Variants in WFS1 observed in about 807,000 individuals in gnomAD.
WFS1 encodes the protein wolframin.
A neutral mutation model predicts 68.5 loss-of-function variants in WFS1; 90 were observed. The ratio of observed to expected loss-of-function variants is 1.31; its 90% CI spans 1.11 to 1.56. The LOEUF is 1.56. Among genes scored for constraint, WFS1 ranks in the 40% most tolerant of loss-of-function variants. The probability of loss-of-function intolerance (pLI) is 0.00; values close to 1 mark genes in which losing one functional copy is unlikely to be tolerated. For missense variants in WFS1, 1,767 were observed against 1,232.6 expected, an observed-to-expected ratio of 1.43 and a Z score of -6.49; for synonymous variants, 860 against 540.7, an observed-to-expected ratio of 1.59 and a Z score of -8.19.
chr4:6,299,038 C>A (rs1381811246), intron 7 of WFS1, among the ~76,000 whole-genome samples: 1 of 152,240 alleles, frequency 6.6e-6, no homozygotes, highest in Non-Finnish European at 1.5e-5. Flanking sequence ...TTGGTCCAGG[C>A]CCCTGGCACT....
At chr4:6,291,681 G>A (rs748798729) in intron 5 of WFS1, among the ~76,000 whole-genome samples, 11 of 152,326 alleles carry the variant, frequency 7.2e-5, no homozygotes, top group Admixed American at 2.6e-4. Flanking sequence ...CCAATGGGAC[G>A]GACTGTGTCC....
intron 6 of WFS1, chr4:6,294,831 G>T (rs1349112557): frequency 2.9e-6 from 2 of 685,216 alleles, no homozygotes; most frequent in Non-Finnish European, 4.9e-6. Flanking sequence ...CAGGAGTGGA[G>T]GCTGGCACTT....
intron 7 of WFS1, among the ~76,000 whole-genome samples, chr4:6,298,986 A>T (rs982134448): frequency 2.0e-5 from 3 of 152,002 alleles, no homozygotes; most frequent in Admixed American, 2.0e-4. Flanking sequence ...AGGCTTCCCT[A>T]CCCCCATGTG....
At chr4:6,300,229 C>T (rs1049623362) in intron 7 of WFS1, among the ~76,000 whole-genome samples, 2 of 152,144 alleles carry the variant, frequency 1.3e-5, no homozygotes, top group Admixed American at 1.3e-4. Context: ...GAGGTGACAT[C>T]CTTGCTGTAG....
At position 6,302,251 on chromosome 4, in the gene WFS1, A is replaced by G. The variant is rs1321291819; in HGVS notation, c.2456A>G (p.Gln819Arg). The change falls in exon 8 of 8, where the codon CAG (glutamine) becomes CGG (arginine). Residue 819 changes from glutamine (Q) to arginine (R), a missense_variant. Coordinates refer to ENST00000226760, the MANE Select transcript of WFS1 (RefSeq NM_006005.3). Reference protein sequence around the residue: ...EFKSVLLSLRQGSLIEFSTIL... With the variant: ...EFKSVLLSLRRGSLIEFSTIL... ...AAGAGCGTGCTGCTCAGCCTGCGCCAGGGCAGCCTCATCGAGTTCAGCACC... is the reference window on the plus strand; with the variant it reads ...AAGAGCGTGCTGCTCAGCCTGCGCCGGGGCAGCCTCATCGAGTTCAGCACC... The G allele has an allele frequency of 2.5e-6, 4 of 1,604,914 alleles. No homozygotes were observed. Among genetic ancestry groups the G allele is most frequent in the Middle Eastern group, 1.7e-4 (1 of 6,040 alleles).
chr4:6,274,747 T>C (rs1443260826), intron 1 of WFS1, among the ~76,000 whole-genome samples: 1 of 151,290 alleles, frequency 6.6e-6, no homozygotes, highest in Admixed American at 6.6e-5. Context: ...GAAACAGAAG[T>C]GTGGAGGTCA....
chr4:6,302,062 G>A lies in WFS1; in HGVS notation c.2267G>A (p.Arg756His), dbSNP rs982418213. The change falls in exon 8 of 8, where the codon CGC becomes CAC. Residue 756 changes from arginine (R) to histidine (H), a missense_variant. Arg to His is a conservative substitution (Grantham distance 29, BLOSUM62 0). Transcript: ENST00000226760. ...NTSTAEEELCRLKLLAKHPCH... is the reference protein window; with the variant it reads ...NTSTAEEELCHLKLLAKHPCH... ...TCCACGGCCGAGGAGGAGCTCTGTC[G>A]CCTTAAGCTGCTGGCCAAGCACCCC... The A allele has an allele frequency of 7.4e-6, 12 of 1,612,700 alleles. No homozygotes were observed. The highest frequency in any genetic ancestry group is 3.3e-5 in the Admixed American group (2 of 60,006).
Position 6,300,701 on chromosome 4 carries a change from C to T in WFS1, c.906C>T (p.Tyr302=), listed in dbSNP as rs778510793. 1.8e-5 allele frequency: 29 copies of T among 1,613,946 alleles called. No homozygotes were observed. In the South Asian group the frequency reaches 2.6e-4, roughly 15 times the overall value. The part of the protein sequence containing the change: ...PLHAIMEIKE[Y]LIDMASRAGM... ...ACGCCATCATGGAGATCAAGGAGTA[C>T]CTGATTGACATGGCCTCCAGGGCAG... The change falls in exon 8 of 8, where the codon TAC becomes TAT. Residue 302 remains tyrosine (Y), a synonymous_variant. Transcript: ENST00000226760.
At chr4:6,286,950 C>A (rs1730327348) in intron 2 of WFS1, 143 bp from the exon 3 acceptor site, 1 of 776,868 alleles carries the variant, frequency 1.3e-6, no homozygotes, top group Non-Finnish European at 2.2e-6. Flanking sequence ...CTGTCTGTGT[C>A]TGTGTCTCTC....
chr4:6,288,954 G>C (rs199928503), intron 3 of WFS1, 33 bp from the exon 4 acceptor site: 36 of 1,602,084 alleles, frequency 2.2e-5, no homozygotes, highest in Non-Finnish European at 2.7e-5. Context: ...GAGGGTCGGA[G>C]AATCTGGAGG....
chr4:6,277,652 A>G lies in WFS1; in HGVS notation c.197A>G (p.Gln66Arg). The G allele has an allele frequency of 4.5e-6, 7 of 1,566,310 alleles. No homozygotes were observed. Among genetic ancestry groups the G allele is most frequent in the Non-Finnish European group, 6.1e-6 (7 of 1,155,986 alleles). ...GCGGCCCCCGCTGAACCCCAGGCCC[A>G]GCATACCAGGAGCCGGGAAAGAGCA... ...DAAAPAEPQAQHTRSRERADG... is the reference protein window; with the variant it reads ...DAAAPAEPQARHTRSRERADG... Residue 66 changes from glutamine to arginine, a missense_variant, in exon 2 of 8, where the codon CAG (glutamine) becomes CGG (arginine). Physicochemically the swap from Gln to Arg is conservative, Grantham distance 43. Transcript: ENST00000226760.
intron 2 of WFS1, among the ~76,000 whole-genome samples, chr4:6,284,981 T>A (rs1730269811): frequency 6.6e-6 from 1 of 150,712 alleles, no homozygotes; most frequent in African/African-American, 2.4e-5. Flanking sequence ...GCTGGCAGGG[T>A]GACGGCAGCA....
At chr4:6,299,855 A>ATGCGGGTAGGT (rs1488622101) in intron 7 of WFS1, among the ~76,000 whole-genome samples, 8 of 83,680 alleles carry the variant, frequency 9.6e-5, no homozygotes, top group African/African-American at 3.9e-4. Flanking sequence ...GGTTGTGTGA[A>ATGCGGGTAGGT]TGCGTGTGTG....
intron 2 of WFS1, among the ~76,000 whole-genome samples, chr4:6,281,993 A>G (rs771901341): frequency 9.2e-5 from 14 of 152,154 alleles, no homozygotes; most frequent in Non-Finnish European, 1.3e-4. Flanking sequence ...ACAGTCACCT[A>G]CACAGCCCCA....
At position 6,302,343 on chromosome 4, in the gene WFS1, T is replaced by C. The variant is rs966123985; in HGVS notation, c.2548T>C (p.Cys850Arg). ...GCTCAAGGCCATCAGCTGCCTCAAC[T>C]GCATGGCCCAGCTCTCACCCACCAG... is the stretch of plus-strand genomic sequence containing the variant. ...FELKAISCLN[C>R]MAQLSPTRRH... Residue 850 changes from cysteine to arginine, a missense_variant, in exon 8 of 8, where the codon TGC becomes CGC. Coordinates refer to ENST00000226760, the MANE Select transcript of WFS1 (RefSeq NM_006005.3). 6.2e-7 allele frequency: 1 copy of C among 1,612,696 alleles called. No homozygotes were observed. The highest frequency in any genetic ancestry group is 1.7e-5 in the Admixed American group (1 of 60,000).
intron 1 of WFS1, among the ~76,000 whole-genome samples, chr4:6,274,772 A>G (rs1350513546): frequency 2.0e-5 from 3 of 152,122 alleles, no homozygotes; most frequent in African/African-American, 7.2e-5. Context: ...TTGTATGCTG[A>G]TGTTGAAGGG....
rs1730484014 is a variant in WFS1, at chr4:6,292,140, C to A, written c.712+143C>A. The A allele has an allele frequency of 3.6e-5, 30 of 834,648 alleles. No homozygotes were observed. The South Asian group carries it at 4.5e-4, about 12-fold the overall frequency. 51.7% of individuals were successfully genotyped at this position (834,648 alleles called of 1,614,324 possible). The stretch of plus-strand genomic sequence containing the variant: ...TGCGCCTGCAGGGCGACCTCTCCTT[C>A]CTGTGCGACCCCATCCTGGCCCTGC... On this transcript the variant is annotated intron_variant, in intron 6 of 7. Transcript: ENST00000226760.
At chr4:6,281,746 T>C (rs3755856) in intron 2 of WFS1, among the ~76,000 whole-genome samples, 10,981 of 152,002 alleles carry the variant, frequency 0.072, 470 homozygotes, top group African/African-American at 0.099. Flanking sequence ...CAGGAGGTGC[T>C]ACTCAGGGCA....
intron 7 of WFS1, among the ~76,000 whole-genome samples, chr4:6,299,880 ATGTGTGTGTGTAGGGGTGGGTTGTGTG>A (rs1730804392): frequency 3.5e-5 from 2 of 56,688 alleles, no homozygotes; most frequent in Non-Finnish European, 3.0e-5. Flanking sequence ...GGTGGGCTGC[ATGTGTGTGTGTAGGGGTGGGTTGTGTG>A]TGTGTGTATG....
Sources: allele counts gnomAD v4.1 joint callset (sites outside exome capture counted in the v4.1 genomes callset), GRCh38; gene constraint gnomAD v4.1.1; transcripts MANE v1.5; gene names NCBI Gene and HGNC (gene_info 2026-07-23, HGNC 2026-07-21).